The following RICTOR variants were observed in gnomAD, a reference collection of about 807,000 sequenced individuals.
The protein encoded by RICTOR is rapamycin-insensitive companion of mTOR.
RICTOR carries 49 observed loss-of-function variants against 214.9 expected under a neutral mutation model. That is an observed-to-expected ratio of 0.23 (90% CI 0.18 to 0.29). RICTOR has a LOEUF of 0.29. Among genes scored for constraint, RICTOR ranks in the 10% least tolerant of loss-of-function variants. The pLI, the probability that RICTOR is intolerant of heterozygous loss-of-function variation, is 1.00. For missense variants in RICTOR, 1,625 were observed against 2,047.0 expected (o/e 0.79, Z 3.98); for synonymous variants, 717 against 711.3 (o/e 1.01, Z -0.13).
chr5:38,949,465 A>G (rs573148208), intron 31 of RICTOR: 156 of 1,517,236 alleles, frequency 1.0e-4, no homozygotes, highest in Non-Finnish European at 1.3e-4. Flanking sequence ...AAAGCTTGTG[A>G]CTTGTATGTC....
At chr5:39,039,249 A>C (rs1756982239) in intron 2 of RICTOR, among the ~76,000 whole-genome samples, 1 of 152,170 alleles carries the variant, frequency 6.6e-6, no homozygotes, top group Non-Finnish European at 1.5e-5. Flanking sequence ...GTGCTGGGAA[A>C]ACTGGCTAGC....
At chr5:38,947,965 A>G (rs1748382273) in intron 31 of RICTOR, among the ~76,000 whole-genome samples, 1 of 152,190 alleles carries the variant, frequency 6.6e-6, no homozygotes. Context: ...CAAGAGCAAA[A>G]TGGTCATTTA....
intron 2 of RICTOR, among the ~76,000 whole-genome samples, chr5:39,049,553 A>G (rs913619802): frequency 4.6e-5 from 7 of 152,040 alleles, no homozygotes; most frequent in Admixed American, 3.9e-4. Context: ...ATGCAGTAGC[A>G]AGCCAGATTT....
At position 39,025,662 on chromosome 5, in the gene RICTOR, C is replaced by A. The variant is rs558820329; in HGVS notation, c.98-4526G>T. The stretch of plus-strand genomic sequence containing the variant: ...GGTTCCTCTTTCAGGTCGCAGACTG[C>A]CAATTTCTCACTGTCTCCTCACATG... On this transcript the variant is annotated intron_variant, in intron 2 of 37. Transcript: ENST00000357387. 2.6e-5 allele frequency among the ~76,000 whole-genome samples: 4 copies of A among 152,254 alleles called. No homozygotes were observed. In the South Asian group the frequency reaches 6.2e-4, roughly 24 times the overall value.
rs1177207854 is a variant in RICTOR at position 38,941,587 on chromosome 5, G to A, written c.*717C>T. 10 of 231,020 alleles carry A rather than the reference G, an allele frequency of 4.3e-5. 1 individual carries two copies. The South Asian group carries it at 1.1e-3, about 25-fold the overall frequency. The allele number at this position is 231,020 out of a possible 1,614,324, so 14.3% of individuals were successfully genotyped here. On this transcript the variant is annotated 3_prime_UTR_variant, in exon 38 of 38. Transcript: ENST00000357387. ...AAAATGATTTTTAAATTTTATTCAA[G>A]AACTGTAGTGAAAAACCTTAATTGG...
intron 3 of RICTOR, among the ~76,000 whole-genome samples, chr5:39,010,837 T>C (rs1580091968): frequency 6.6e-6 from 1 of 152,322 alleles, no homozygotes. Context: ...CAGTTTTATA[T>C]ATTCACAAAG....
At position 38,960,545 on chromosome 5, in the gene RICTOR, A is replaced by G; in HGVS notation, c.1716-12T>C. On this transcript the variant is annotated splice_polypyrimidine_tract_variant and intron_variant, in intron 19 of 37. Coordinates refer to ENST00000357387, the MANE Select transcript of RICTOR (RefSeq NM_152756.5). Reference sequence around the variant, plus strand: ...GTCTTCGTACAAACCTAAAATCAAAACACAAGTAGCAAAAAGGTAAGAAAT... The same window carrying G: ...GTCTTCGTACAAACCTAAAATCAAAGCACAAGTAGCAAAAAGGTAAGAAAT... 2 of 1,610,866 alleles carry G rather than the reference A, an allele frequency of 1.2e-6. No individual in the cohort carries two copies. Among genetic ancestry groups the G allele is most frequent in the East Asian group, 2.2e-5 (1 of 44,846 alleles).
intron 12 of RICTOR, 101 bp downstream of exon 12, chr5:38,967,842 A>T (rs1163128592): frequency 1.6e-6 from 1 of 612,238 alleles, no homozygotes; most frequent in Non-Finnish European, 2.9e-6. Flanking sequence ...GCAAGAAAAG[A>T]AAATAGTGTT....
chr5:39,062,447 G>A (rs1383090277), intron 2 of RICTOR, among the ~76,000 whole-genome samples: 1 of 151,880 alleles, frequency 6.6e-6, no homozygotes, highest in Non-Finnish European at 1.5e-5. Context: ...GAGGGGAGTG[G>A]TGGTGACGGT....
At chr5:38,984,153 C>T (rs952067359) in intron 7 of RICTOR, among the ~76,000 whole-genome samples, 7 of 151,854 alleles carry the variant, frequency 4.6e-5, no homozygotes, top group Non-Finnish European at 1.0e-4. Flanking sequence ...TTGTATTTTA[C>T]AATTTGTGAG....
chr5:39,050,199 AAT>A (rs35127418), intron 2 of RICTOR, among the ~76,000 whole-genome samples: 11 of 148,508 alleles, frequency 7.4e-5, no homozygotes, highest in South Asian at 6.3e-4. Context: ...TAAATAAATA[AAT>A]ATATATATAT....
At chr5:38,950,873 T>C (rs981728277) in intron 30 of RICTOR, among the ~76,000 whole-genome samples, 153 bp from the exon 31 acceptor site, 1 of 151,974 alleles carries the variant, frequency 6.6e-6, no homozygotes, top group South Asian at 2.1e-4. Context: ...CTTGAAAATA[T>C]CTTTCTTGAA....
chr5:38,977,607 T>C (rs2150053002), intron 9 of RICTOR, among the ~76,000 whole-genome samples: 1 of 146,270 alleles, frequency 6.8e-6, no homozygotes, highest in Non-Finnish European at 1.5e-5. Context: ...TTTTTTTTTT[T>C]TTTTTTTTGA....
chr5:38,974,949 T>C (rs1013192193), intron 10 of RICTOR, among the ~76,000 whole-genome samples: 4 of 152,194 alleles, frequency 2.6e-5, no homozygotes, highest in African/African-American at 9.7e-5. Context: ...AGGAAGAAGA[T>C]AATCATTAAT....
Position 39,074,381 on chromosome 5 carries a change from G to C in RICTOR, c.-4C>G. 1 of 1,539,290 alleles carries C rather than the reference G, an allele frequency of 6.5e-7. No individual in the cohort carries two copies. The highest frequency in any genetic ancestry group is 1.2e-5 in the South Asian group (1 of 82,526). ...GGCCGCGGCCGATCGCCGCCATATT[G>C]ACGGGTTTCAGTCACAACACCGGAA... is the stretch of plus-strand genomic sequence containing the variant. On this transcript the variant is annotated 5_prime_UTR_variant, in exon 1 of 38. Transcript: ENST00000357387.
intron 3 of RICTOR, among the ~76,000 whole-genome samples, chr5:39,012,291 A>C (rs1346252754): frequency 1.3e-5 from 2 of 152,194 alleles, no homozygotes; most frequent in African/African-American, 2.4e-5. Flanking sequence ...ACACTCATTT[A>C]TCTCTCCTGC....
chr5:38,972,023 G>A (rs1037672957), intron 10 of RICTOR, 64 bp from the exon 11 acceptor site: 2 of 702,996 alleles, frequency 2.8e-6, no homozygotes, highest in Non-Finnish European at 5.0e-6. Flanking sequence ...CTATGGCAAT[G>A]TATAATATAA....
At chr5:39,029,144 G>A (rs1054499130) in intron 2 of RICTOR, among the ~76,000 whole-genome samples, 11 of 152,084 alleles carry the variant, frequency 7.2e-5, no homozygotes, top group Non-Finnish European at 1.3e-4. Context: ...AAAATATGTT[G>A]TATCTTGTTT....
chr5:39,041,536 T>C (rs2150170750), intron 2 of RICTOR, among the ~76,000 whole-genome samples: 1 of 152,284 alleles, frequency 6.6e-6, no homozygotes, highest in Non-Finnish European at 1.5e-5. Context: ...AAGGCAAGTT[T>C]AAGTAGAAGT....
Sources: allele counts gnomAD v4.1 joint callset (sites outside exome capture counted in the v4.1 genomes callset), GRCh38; gene constraint gnomAD v4.1.1; transcripts MANE v1.5; gene names NCBI Gene and HGNC (gene_info 2026-07-23, HGNC 2026-07-21).